TMUB1: variants seen among roughly 807,000 people sequenced by gnomAD.
TMUB1 encodes the protein transmembrane and ubiquitin-like domain-containing protein 1.
A neutral mutation model predicts 16.2 loss-of-function variants in TMUB1; 9 were observed. The ratio of observed to expected loss-of-function variants is 0.55; its 90% CI spans 0.33 to 0.97. The LOEUF is 0.97. Ranked by LOEUF, TMUB1 falls within the 50% of genes least tolerant of loss-of-function variation. The pLI is 0.03. For synonymous variants in TMUB1, 155 were observed against 152.2 expected (o/e 1.02, Z -0.13); for missense variants, 309 against 313.5 (o/e 0.99, Z 0.11).
Position 151,082,757 on chromosome 7 carries a change from A to G in TMUB1, c.-30-164T>C. 2.1e-6 allele frequency: 1 copy of G among 486,196 alleles called. No individual in the cohort carries two copies. The highest frequency in any genetic ancestry group is 3.3e-6 in the Non-Finnish European group (1 of 302,232). 30.1% of individuals were successfully genotyped at this position (486,196 alleles called of 1,614,324 possible). A position where few individuals can be genotyped will look rare whatever the true frequency, so the allele number is the denominator to read the frequency against. On this transcript the variant is annotated intron_variant, in intron 1 of 2. Coordinates refer to ENST00000297533, the MANE Select transcript of TMUB1 (RefSeq NM_001136044.2). The surrounding 1 kb of genome is among the most constrained non-coding windows in gnomAD (Gnocchi z 7.0). ...GCTTCTCTGCCTCCCAGTCGCCCCA[A>G]ACTTGCCTCCGGGTGCCCCTTCCCA... is the stretch of plus-strand genomic sequence containing the variant.
At position 151,083,028 on chromosome 7, in the gene TMUB1, A is replaced by G. The variant is rs1315317431; in HGVS notation, c.-31+406T>C. 6 of 155,334 alleles carry G rather than the reference A, an allele frequency of 3.9e-5. No homozygotes were observed. Among genetic ancestry groups the G allele is most frequent in the African/African-American group, 1.2e-4 (5 of 41,522 alleles). The allele number at this position is 155,334 out of a possible 1,614,324, so 9.6% of individuals were successfully genotyped here. A position where few individuals can be genotyped will look rare whatever the true frequency, so the allele number is the denominator to read the frequency against. On this transcript the variant is annotated intron_variant, in intron 1 of 2. Transcript: ENST00000297533. The surrounding 1 kb of genome is among the most constrained non-coding windows in gnomAD (Gnocchi z 5.9). ...GCTAAAGTTTCTAAGAGGTGGGGGTAGAGCCTCTGTGCCCCCACCCCCGCC... is the reference window on the plus strand; with the variant it reads ...GCTAAAGTTTCTAAGAGGTGGGGGTGGAGCCTCTGTGCCCCCACCCCCGCC...
rs1330260324 is a variant in TMUB1 at position 151,081,863 on chromosome 7, T to C, written c.427A>G (p.Ile143Val). ...FPGREQQVRL[I>V]YQGQLLGDDT... is the part of the protein sequence containing the mutation. ...TCGCCTAGCAGCTGCCCTTGGTAGATGAGTCGCACCTGCTGTTCCCGGCCG... is the reference window on the plus strand; with the variant it reads ...TCGCCTAGCAGCTGCCCTTGGTAGACGAGTCGCACCTGCTGTTCCCGGCCG... Residue 143 changes from isoleucine (I) to valine (V), a missense_variant, in exon 3 of 3, where the codon ATC becomes GTC. Transcript: ENST00000297533. This position sits in a 1 kb window ranked among gnomAD's most constrained non-coding sequence, Gnocchi z 7.6. 6.6e-7 allele frequency: 1 copy of C among 1,507,284 alleles called. No homozygotes were observed. Among genetic ancestry groups the C allele is most frequent in the Non-Finnish European group, 8.9e-7 (1 of 1,127,102 alleles). 93.4% of individuals were successfully genotyped at this position (1,507,284 alleles called of 1,614,324 possible).
chr7:151,082,641 G>A lies in TMUB1; in HGVS notation c.-30-48C>T. The A allele has an allele frequency of 7.0e-7, 1 of 1,421,418 alleles. No homozygotes were observed. 88.1% of individuals were successfully genotyped at this position (1,421,418 alleles called of 1,614,324 possible). ...TGAGGCCCGGGCCCCCTGGCCAGGAGCCCTGGAACCTCCACAGGGTCCTGC... is the reference window on the plus strand; with the variant it reads ...TGAGGCCCGGGCCCCCTGGCCAGGAACCCTGGAACCTCCACAGGGTCCTGC... On this transcript the variant is annotated intron_variant, in intron 1 of 2. Transcript: ENST00000297533. This position sits in a 1 kb window ranked among gnomAD's most constrained non-coding sequence, Gnocchi z 7.0.
At position 151,082,752 on chromosome 7, in the gene TMUB1, C is replaced by T. The variant is rs1299061000; in HGVS notation, c.-30-159G>A. The T allele has an allele frequency of 3.9e-6, 2 of 514,588 alleles. No individual in the cohort carries two copies. The highest frequency in any genetic ancestry group is 6.1e-6 in the Non-Finnish European group (2 of 327,440). The allele number at this position is 514,588 out of a possible 1,614,324, so 31.9% of individuals were successfully genotyped here. A position where few individuals can be genotyped will look rare whatever the true frequency, so the allele number is the denominator to read the frequency against. On this transcript the variant is annotated intron_variant, in intron 1 of 2. Transcript: ENST00000297533. This position sits in a 1 kb window ranked among gnomAD's most constrained non-coding sequence, Gnocchi z 7.0. ...TACCGGCTTCTCTGCCTCCCAGTCG[C>T]CCCAAACTTGCCTCCGGGTGCCCCT...
At position 151,082,586 on chromosome 7, in the gene TMUB1, C is replaced by T; in HGVS notation, c.-23G>A. On this transcript the variant is annotated 5_prime_UTR_variant, in exon 2 of 3. The change abolishes the stop of an existing upstream ORF in the 5' untranslated region. Coordinates refer to ENST00000297533, the MANE Select transcript of TMUB1 (RefSeq NM_001136044.2). This position sits in a 1 kb window ranked among gnomAD's most constrained non-coding sequence, Gnocchi z 7.0. ...CATGGCGCCTGCCTTGCCCGCCGCG[C>T]TACCGAGCTGGAGAGGCACAAAGAG... is the stretch of plus-strand genomic sequence containing the variant. The T allele has an allele frequency of 6.7e-7, 1 of 1,483,296 alleles. No homozygotes were observed. Among genetic ancestry groups the T allele is most frequent in the Non-Finnish European group, 9.0e-7 (1 of 1,116,350 alleles). The allele number at this position is 1,483,296 out of a possible 1,614,324, so 91.9% of individuals were successfully genotyped here.
rs952546990 is a variant in TMUB1, at chr7:151,081,134, T to C, written c.*415A>G. On this transcript the variant is annotated 3_prime_UTR_variant, in exon 3 of 3. Coordinates refer to ENST00000297533, the MANE Select transcript of TMUB1 (RefSeq NM_001136044.2). The surrounding 1 kb of genome is among the most constrained non-coding windows in gnomAD (Gnocchi z 7.6). ...CTGCACGGGTTCCGGGGAACTCCTC[T>C]GCCCCTCCCCGCTCCCCTTCACCAG... The C allele has an allele frequency of 4.7e-6, 1 of 213,424 alleles. No homozygotes were observed. Among genetic ancestry groups the C allele is most frequent in the Non-Finnish European group, 9.3e-6 (1 of 108,038 alleles). The allele number at this position is 213,424 out of a possible 1,614,324, so 13.2% of individuals were successfully genotyped here.
At position 151,081,396 on chromosome 7, in the gene TMUB1, G is replaced by A; in HGVS notation, c.*153C>T. 2.4e-6 allele frequency: 3 copies of A among 1,239,494 alleles called. No homozygotes were observed. The highest frequency in any genetic ancestry group is 3.0e-6 in the Non-Finnish European group (3 of 988,062). The allele number at this position is 1,239,494 out of a possible 1,614,324, so 76.8% of individuals were successfully genotyped here. A position where few individuals can be genotyped will look rare whatever the true frequency, so the allele number is the denominator to read the frequency against. ...CGGTCGCAGGGCGGGGCCTCCGCCA[G>A]TCCCGGGAGTCCTCTGCGGCGCAGG... On this transcript the variant is annotated 3_prime_UTR_variant, in exon 3 of 3. Coordinates refer to ENST00000297533, the MANE Select transcript of TMUB1 (RefSeq NM_001136044.2). This position sits in a 1 kb window ranked among gnomAD's most constrained non-coding sequence, Gnocchi z 7.6.
Position 151,081,648 on chromosome 7 carries a change from C to T in TMUB1, c.642G>A (p.Gln214=), listed in dbSNP as rs551246666. 1.3e-6 allele frequency: 2 copies of T among 1,598,752 alleles called. No individual in the cohort carries two copies. Among genetic ancestry groups the T allele is most frequent in the Non-Finnish European group, 8.5e-7 (1 of 1,172,928 alleles). The change falls in exon 3 of 3, where the codon CAG becomes CAA. Residue 214 remains glutamine, a synonymous_variant. Coordinates refer to ENST00000297533, the MANE Select transcript of TMUB1 (RefSeq NM_001136044.2). The surrounding 1 kb of genome is among the most constrained non-coding windows in gnomAD (Gnocchi z 7.6). The stretch of plus-strand genomic sequence containing the variant: ...GGGGAAAGAAGGGCCGGTACTGGAT[C>T]TGGCAGTACCAGAGCAGCAGCAACA... ...LLLLLLLWYC[Q]IQYRPFFPLT...
In TMUB1 at chr7:151,081,951, C is replaced by T. The variant is rs1798003298; in HGVS notation, c.390-51G>A. The T allele has an allele frequency of 6.9e-7, 1 of 1,451,692 alleles. No individual in the cohort carries two copies. The highest frequency in any genetic ancestry group is 9.1e-7 in the Non-Finnish European group (1 of 1,102,918). 89.9% of individuals were successfully genotyped at this position (1,451,692 alleles called of 1,614,324 possible). ...AGAGCAGGCCTCAGGCAATCCTAGTCCCTGGCCCCGGAACAGCACTCCCAC... is the reference window on the plus strand; with the variant it reads ...AGAGCAGGCCTCAGGCAATCCTAGTTCCTGGCCCCGGAACAGCACTCCCAC... On this transcript the variant is annotated intron_variant, in intron 2 of 2. Coordinates refer to ENST00000297533, the MANE Select transcript of TMUB1 (RefSeq NM_001136044.2). This position sits in a 1 kb window ranked among gnomAD's most constrained non-coding sequence, Gnocchi z 7.6.
At position 151,081,968 on chromosome 7, in the gene TMUB1, C is replaced by A; in HGVS notation, c.390-68G>T. On this transcript the variant is annotated intron_variant, in intron 2 of 2. Coordinates refer to ENST00000297533, the MANE Select transcript of TMUB1 (RefSeq NM_001136044.2). This position sits in a 1 kb window ranked among gnomAD's most constrained non-coding sequence, Gnocchi z 7.6. ...ATCCTAGTCCCTGGCCCCGGAACAG[C>A]ACTCCCACCCTCCCCCTGCCCTCCA... 3 of 1,428,942 alleles carry A rather than the reference C, an allele frequency of 2.1e-6. No individual in the cohort carries two copies. Among genetic ancestry groups the A allele is most frequent in the Non-Finnish European group, 2.8e-6 (3 of 1,079,930 alleles). 88.5% of individuals were successfully genotyped at this position (1,428,942 alleles called of 1,614,324 possible). A position where few individuals can be genotyped will look rare whatever the true frequency, so the allele number is the denominator to read the frequency against.
rs552342919 is a variant in TMUB1 at position 151,082,480 on chromosome 7, C to A, written c.84G>T (p.Trp28Cys). ...CGCCCTCAGCGGTGTGCGTTGAGACCCAGGCAAGGGCCAGCACCAGAAGGC... is the reference window on the plus strand; with the variant it reads ...CGCCCTCAGCGGTGTGCGTTGAGACACAGGCAAGGGCCAGCACCAGAAGGC... ...LACLLVLALA[W>C]VSTHTAEGGD... is the part of the protein sequence containing the mutation. The change falls in exon 2 of 3, where the codon TGG (tryptophan) becomes TGT (cysteine). Residue 28 changes from tryptophan to cysteine, a missense_variant. Coordinates refer to ENST00000297533, the MANE Select transcript of TMUB1 (RefSeq NM_001136044.2). This position sits in a 1 kb window ranked among gnomAD's most constrained non-coding sequence, Gnocchi z 7.0. 3.8e-6 allele frequency: 6 copies of A among 1,591,864 alleles called. No homozygotes were observed. In the East Asian group the frequency reaches 9.1e-5, roughly 24 times the overall value.
chr7:151,081,525 C>T lies in TMUB1; in HGVS notation c.*24G>A. The T allele has an allele frequency of 6.5e-7, 1 of 1,537,510 alleles. No homozygotes were observed. The highest frequency in any genetic ancestry group is 1.2e-5 in the South Asian group (1 of 82,784). ...GAGCAAGGTCCGGAGGGGCCGGCGACGCTGCCAAGCGCCCGCGGAGGCACT... is the reference window on the plus strand; with the variant it reads ...GAGCAAGGTCCGGAGGGGCCGGCGATGCTGCCAAGCGCCCGCGGAGGCACT... On this transcript the variant is annotated 3_prime_UTR_variant, in exon 3 of 3. Coordinates refer to ENST00000297533, the MANE Select transcript of TMUB1 (RefSeq NM_001136044.2). This position sits in a 1 kb window ranked among gnomAD's most constrained non-coding sequence, Gnocchi z 7.6.
Position 151,081,119 on chromosome 7 carries a change from T to G in TMUB1, c.*430A>C, listed in dbSNP as rs1016298105. 4.3e-6 allele frequency: 1 copy of G among 230,708 alleles called. No homozygotes were observed. 14.3% of individuals were successfully genotyped at this position (230,708 alleles called of 1,614,324 possible). A position where few individuals can be genotyped will look rare whatever the true frequency, so the allele number is the denominator to read the frequency against. ...CACAGTTACTTTAATCTGCACGGGT[T>G]CCGGGGAACTCCTCTGCCCCTCCCC... is the stretch of plus-strand genomic sequence containing the variant. On this transcript the variant is annotated 3_prime_UTR_variant, in exon 3 of 3. Transcript: ENST00000297533. This position sits in a 1 kb window ranked among gnomAD's most constrained non-coding sequence, Gnocchi z 7.6.
rs370746188 is a variant in TMUB1, at chr7:151,081,771, C to A, written c.519G>T (p.Thr173=). The A allele has an allele frequency of 9.9e-5, 158 of 1,594,548 alleles. No individual in the cohort carries two copies. Among genetic ancestry groups the A allele is most frequent in the Non-Finnish European group, 1.2e-4 (143 of 1,171,860 alleles). The change falls in exon 3 of 3, where the codon ACG becomes ACT. Residue 173 remains threonine, a synonymous_variant. Transcript: ENST00000297533. This position sits in a 1 kb window ranked among gnomAD's most constrained non-coding sequence, Gnocchi z 7.6. ...AGGGGGGATTTGGGGGACCGACTCT[C>A]GTGGACACGTGGCAGTGGAGAACGC... ...PNCVLHCHVS[T]RVGPPNPPCP...
In TMUB1 at chr7:151,081,827, T is replaced by C. The variant is rs1178235735; in HGVS notation, c.463A>G (p.Thr155Ala). The C allele has an allele frequency of 6.5e-7, 1 of 1,544,956 alleles. No homozygotes were observed. The highest frequency in any genetic ancestry group is 2.3e-5 in the East Asian group (1 of 43,356). Reference protein sequence around the residue: ...QGQLLGDDTQTLGSLHLPPNC... With the variant: ...QGQLLGDDTQALGSLHLPPNC... ...GGAGGGAGGTGAAGGCTGCCCAGGG[T>C]CTGGGTGTCGTCGCCTAGCAGCTGC... The change falls in exon 3 of 3, where the codon ACC (threonine) becomes GCC (alanine). Residue 155 changes from threonine (T) to alanine (A), a missense_variant. By Grantham distance (58) the Thr-to-Ala change is moderately conservative. Coordinates refer to ENST00000297533, the MANE Select transcript of TMUB1 (RefSeq NM_001136044.2). The surrounding 1 kb of genome is among the most constrained non-coding windows in gnomAD (Gnocchi z 7.6).
In TMUB1 at chr7:151,082,572, C is replaced by T. The variant is rs1262674373; in HGVS notation, c.-9G>A. 2.7e-6 allele frequency: 4 copies of T among 1,486,798 alleles called. No homozygotes were observed. Among genetic ancestry groups the T allele is most frequent in the Non-Finnish European group, 3.6e-6 (4 of 1,117,746 alleles). 92.1% of individuals were successfully genotyped at this position (1,486,798 alleles called of 1,614,324 possible). A position where few individuals can be genotyped will look rare whatever the true frequency, so the allele number is the denominator to read the frequency against. ...CCTTCAATCAGGGTCATGGCGCCTG[C>T]CTTGCCCGCCGCGCTACCGAGCTGG... On this transcript the variant is annotated 5_prime_UTR_variant, in exon 2 of 3. Transcript: ENST00000297533. This position sits in a 1 kb window ranked among gnomAD's most constrained non-coding sequence, Gnocchi z 7.0.
At position 151,081,415 on chromosome 7, in the gene TMUB1, G is replaced by T; in HGVS notation, c.*134C>A. 1.5e-6 allele frequency: 2 copies of T among 1,303,904 alleles called. No homozygotes were observed. The highest frequency in any genetic ancestry group is 1.9e-6 in the Non-Finnish European group (2 of 1,026,516). The allele number at this position is 1,303,904 out of a possible 1,614,324, so 80.8% of individuals were successfully genotyped here. A position where few individuals can be genotyped will look rare whatever the true frequency, so the allele number is the denominator to read the frequency against. ...CCGCCAGTCCCGGGAGTCCTCTGCG[G>T]CGCAGGGCTGGGCTCCAGGGCGGCG... On this transcript the variant is annotated 3_prime_UTR_variant, in exon 3 of 3. Coordinates refer to ENST00000297533, the MANE Select transcript of TMUB1 (RefSeq NM_001136044.2). The surrounding 1 kb of genome is among the most constrained non-coding windows in gnomAD (Gnocchi z 7.6).
In TMUB1 at chr7:151,082,692, C is replaced by G. The variant is rs533825008; in HGVS notation, c.-30-99G>C. 5.8e-4 allele frequency: 577 copies of G among 997,294 alleles called. 3 individuals are homozygous for G. In the African/African-American group the frequency reaches 8.5e-3, roughly 15 times the overall value. The allele number at this position is 997,294 out of a possible 1,614,324, so 61.8% of individuals were successfully genotyped here. On this transcript the variant is annotated intron_variant, in intron 1 of 2. Coordinates refer to ENST00000297533, the MANE Select transcript of TMUB1 (RefSeq NM_001136044.2). The surrounding 1 kb of genome is among the most constrained non-coding windows in gnomAD (Gnocchi z 7.0). Reference sequence around the variant, plus strand: ...CCTCACCCCACCGCGACGCTCCCACCGTCCTCAGCCTCCGTCCCCTCACCC... The same window carrying G: ...CCTCACCCCACCGCGACGCTCCCACGGTCCTCAGCCTCCGTCCCCTCACCC...
chr7:151,081,834 G>C lies in TMUB1; in HGVS notation c.456C>G (p.Asp152Glu), dbSNP rs1157527751. ...LIYQGQLLGD[D>E]TQTLGSLHLP... ...GGTGAAGGCTGCCCAGGGTCTGGGT[G>C]TCGTCGCCTAGCAGCTGCCCTTGGT... Residue 152 changes from aspartate to glutamate, a missense_variant, in exon 3 of 3, where the codon GAC becomes GAG. Asp to Glu is a conservative substitution (Grantham distance 45). Coordinates refer to ENST00000297533, the MANE Select transcript of TMUB1 (RefSeq NM_001136044.2). The surrounding 1 kb of genome is among the most constrained non-coding windows in gnomAD (Gnocchi z 7.6). 1 of 1,536,496 alleles carries C rather than the reference G, an allele frequency of 6.5e-7. No individual in the cohort carries two copies. Among genetic ancestry groups the C allele is most frequent in the Admixed American group, 2.0e-5 (1 of 49,636 alleles).
Sources: allele counts gnomAD v4.1 joint callset, GRCh38; gene constraint gnomAD v4.1.1; non-coding constraint Gnocchi (gnomAD v3.1); transcripts MANE v1.5; gene names NCBI Gene and HGNC (gene_info 2026-07-23, HGNC 2026-07-21).